The following TXN2 variants were observed in gnomAD, a reference collection of about 807,000 sequenced individuals.
The protein encoded by TXN2 is thioredoxin, mitochondrial.
A neutral mutation model predicts 14.6 loss-of-function variants in TXN2; 12 were observed. The ratio of observed to expected loss-of-function variants is 0.82; its 90% CI spans 0.53 to 1.33. The LOEUF is 1.33. Ranked by LOEUF, TXN2 falls within the 40% of genes most tolerant of loss-of-function variation. The pLI is 0.00. For synonymous variants in TXN2, 89 were observed against 81.0 expected (o/e 1.10, Z -0.53); for missense variants, 173 against 207.7 (o/e 0.83, Z 1.03).
rs1326618621 is a variant in TXN2 at position 36,474,925 on chromosome 22, C to T, written c.387+1808G>A. On this transcript the variant is annotated intron_variant, in intron 3 of 3. Transcript: ENST00000216185. ...CCCCAACCCAGACACCTCCAGGCAC[C>T]TGGCCCCTGCTGGTCTGTAAGCAAC... Among the ~76,000 whole-genome samples the T allele has an allele frequency of 4.6e-5, 7 of 152,370 alleles. No homozygotes were observed. The East Asian group carries it at 1.2e-3, about 25-fold the overall frequency.
chr22:36,480,694 T>A lies in TXN2; in HGVS notation c.144A>T (p.Pro48=). The A allele has an allele frequency of 6.2e-7, 1 of 1,614,124 alleles. No homozygotes were observed. Among genetic ancestry groups the A allele is most frequent in the East Asian group, 2.2e-5 (1 of 44,870 alleles). The change falls in exon 2 of 4, where the codon CCA becomes CCT. Residue 48 remains proline, a synonymous_variant. Coordinates refer to ENST00000216185, the MANE Select transcript of TXN2 (RefSeq NM_012473.4). ...SPGGLTVTPN[P]ARTIYTTRIS... ...TCCTCGTGGTGTATATTGTCCGGGC[T>A]GGGTTGGGTGTTACAGTCAGGCCAC...
intron 3 of TXN2, among the ~76,000 whole-genome samples, chr22:36,475,120 G>A (rs1568977760): frequency 1.3e-5 from 2 of 152,276 alleles, no homozygotes; most frequent in Non-Finnish European, 2.9e-5. Context: ...GCTTACGCCT[G>A]TAATCCCAGC....
intron 3 of TXN2, among the ~76,000 whole-genome samples, chr22:36,474,814 C>T (rs530571802): frequency 2.6e-5 from 4 of 152,184 alleles, no homozygotes; most frequent in Admixed American, 6.5e-5. Flanking sequence ...TCCCCAGCTC[C>T]GTACTCGGCC....
chr22:36,477,864 C>T (rs62229973), intron 2 of TXN2, among the ~76,000 whole-genome samples: 19,919 of 152,108 alleles, frequency 0.13, 1,427 homozygotes, highest in Non-Finnish European at 0.16. Context: ...TGGCCGGGTG[C>T]GGTGACCCAC....
intron 3 of TXN2, among the ~76,000 whole-genome samples, chr22:36,472,071 G>C (rs1452240635): frequency 6.6e-6 from 1 of 152,100 alleles, no homozygotes; most frequent in Non-Finnish European, 1.5e-5. Context: ...AGCAAAGAGA[G>C]AGAGACATCT....
chr22:36,472,925 A>G (rs1027553253), intron 3 of TXN2, among the ~76,000 whole-genome samples: 10 of 152,014 alleles, frequency 6.6e-5, no homozygotes, highest in African/African-American at 1.9e-4. Flanking sequence ...AGAATGAAAA[A>G]GTCAGTATGG....
chr22:36,481,057 CCAA>C (rs1933492117), intron 1 of TXN2: 1 of 470,546 alleles, frequency 2.1e-6, no homozygotes, highest in African/African-American at 2.0e-5. Flanking sequence ...GGCTTCACAA[CCAA>C]AAAGAAATCG....
chr22:36,474,846 A>T (rs570492165), intron 3 of TXN2, among the ~76,000 whole-genome samples: 1 of 152,290 alleles, frequency 6.6e-6, no homozygotes, highest in South Asian at 2.1e-4. Flanking sequence ...CCACCCAGAC[A>T]AAGTGGGCCT....
intron 2 of TXN2, among the ~76,000 whole-genome samples, chr22:36,479,786 G>A (rs149474394): frequency 2.8e-4 from 43 of 152,204 alleles, no homozygotes; most frequent in Middle Eastern, 3.4e-3. Flanking sequence ...AAGGCCAGAG[G>A]GACTTAAATA....
At position 36,480,805 on chromosome 22, in the gene TXN2, C is replaced by T. The variant is rs61730810; in HGVS notation, c.33G>A (p.Leu11=). The change falls in exon 2 of 4, where the codon CTG becomes CTA. Residue 11 remains leucine, a synonymous_variant. Coordinates refer to ENST00000216185, the MANE Select transcript of TXN2 (RefSeq NM_012473.4). ...AGGGCTTCCTGGAGATGACAGAGGC[C>T]AGGAACCTCCTCAGAAGAAGTCGCT... The part of the protein sequence containing the change: MAQRLLLRRF[L]ASVISRKPSQ... 1,266 of 1,601,506 alleles carry T rather than the reference C, an allele frequency of 7.9e-4. 16 individuals are homozygous for T. In the African/African-American group the frequency reaches 0.015, roughly 20 times the overall value.
intron 3 of TXN2, chr22:36,468,775 C>T (rs748252539): frequency 1.6e-5 from 6 of 377,886 alleles, no homozygotes; most frequent in Non-Finnish European, 2.7e-5. Flanking sequence ...GGCGCGGTGG[C>T]TCACACCTGT....
chr22:36,478,252 G>C (rs2145826799), intron 2 of TXN2, among the ~76,000 whole-genome samples: 1 of 152,256 alleles, frequency 6.6e-6, no homozygotes, highest in Non-Finnish European at 1.5e-5. Context: ...CCTCTCGCTG[G>C]GGAAGCTCAT....
At chr22:36,478,444 C>T (rs543256071) in intron 2 of TXN2, among the ~76,000 whole-genome samples, 5 of 152,314 alleles carry the variant, frequency 3.3e-5, no homozygotes, top group South Asian at 2.1e-4. Context: ...AAGACAGTTC[C>T]ACCTTTCACA....
chr22:36,477,493 C>A (rs1226783387), intron 2 of TXN2, among the ~76,000 whole-genome samples: 1 of 152,220 alleles, frequency 6.6e-6, no homozygotes, highest in Non-Finnish European at 1.5e-5. Context: ...CAGGCATGAG[C>A]CACCGCGCCC....
At position 36,481,596 on chromosome 22, in the gene TXN2, C is replaced by A. The variant is rs1933505226; in HGVS notation, c.-33G>T. The A allele has an allele frequency of 1.0e-6, 1 of 999,980 alleles. No homozygotes were observed. The allele number at this position is 999,980 out of a possible 1,614,324, so 61.9% of individuals were successfully genotyped here. A position where few individuals can be genotyped will look rare whatever the true frequency, so the allele number is the denominator to read the frequency against. ...CAATGCGAGCGGAGGGATGCACAGC[C>A]TAGCCCTCCCTGCCTGTCAAGGGCA... On this transcript the variant is annotated 5_prime_UTR_variant, in exon 1 of 4. In the 5' UTR this introduces an upstream ATG that the reference lacks. Coordinates refer to ENST00000216185, the MANE Select transcript of TXN2 (RefSeq NM_012473.4).
In TXN2 at chr22:36,467,778, A is replaced by G; in HGVS notation, c.*26T>C. 6.3e-7 allele frequency: 1 copy of G among 1,587,108 alleles called. No homozygotes were observed. The highest frequency in any genetic ancestry group is 1.1e-5 in the South Asian group (1 of 90,484). On this transcript the variant is annotated 3_prime_UTR_variant, in exon 4 of 4. Transcript: ENST00000216185. Reference sequence around the variant, plus strand: ...GTTCTATTGGGGTCCCACGCGGGCAAGGGAACCAGGACTCATCCCTGCTTG... The same window carrying G: ...GTTCTATTGGGGTCCCACGCGGGCAGGGGAACCAGGACTCATCCCTGCTTG...
At chr22:36,475,894 T>C (rs1321543528) in intron 3 of TXN2, among the ~76,000 whole-genome samples, 4 of 152,138 alleles carry the variant, frequency 2.6e-5, no homozygotes, top group South Asian at 2.1e-4. Context: ...GCATCCCTCA[T>C]GGCTCAGCTC....
intron 3 of TXN2, among the ~76,000 whole-genome samples, chr22:36,471,198 A>G (rs1416105140): frequency 6.6e-6 from 1 of 152,164 alleles, no homozygotes; most frequent in East Asian, 1.9e-4. Flanking sequence ...AGAGGCAGTG[A>G]CTGAGCCAAC....
chr22:36,480,034 C>T (rs565523206), intron 2 of TXN2, among the ~76,000 whole-genome samples: 1 of 152,134 alleles, frequency 6.6e-6, no homozygotes, highest in Non-Finnish European at 1.5e-5. Flanking sequence ...CAGGCACACA[C>T]CACCACGCCT....
Sources: gnomAD v4.1 joint callset for allele counts (sites outside exome capture counted in the v4.1 genomes callset) on GRCh38, gnomAD v4.1.1 for gene constraint, MANE v1.5 for transcripts, NCBI Gene and HGNC (gene_info 2026-07-23, HGNC 2026-07-21) for gene names.